ADCY8: variants seen among roughly 807,000 people sequenced by gnomAD.
The protein encoded by ADCY8 is adenylate cyclase 8, also known as adenylate cyclase type 8.
Under a neutral mutation model 119.7 loss-of-function variants are expected in ADCY8, and 51 were observed. The ratio of observed to expected loss-of-function variants is 0.43; its 90% CI spans 0.34 to 0.54. The LOEUF is 0.54. Ranked by LOEUF, ADCY8 falls within the 20% of genes least tolerant of loss-of-function variation. The pLI, the probability that ADCY8 is intolerant of heterozygous loss-of-function variation, is 0.03. For missense variants in ADCY8, 1,383 were observed against 1,598.8 expected (o/e 0.87, Z 2.30); for synonymous variants, 665 against 651.0 (o/e 1.02, Z -0.33).
intron 2 of ADCY8, among the ~76,000 whole-genome samples, chr8:130,987,617 G>T (rs1822442022): frequency 6.6e-6 from 1 of 151,948 alleles, no homozygotes; most frequent in Non-Finnish European, 1.5e-5. Context: ...TCTTATTTAG[G>T]ATCATTATCC....
chr8:130,832,838 A>C (rs1342219856), intron 12 of ADCY8, among the ~76,000 whole-genome samples: 1 of 152,250 alleles, frequency 6.6e-6, no homozygotes, highest in Non-Finnish European at 1.5e-5. Flanking sequence ...GCTATGTGCC[A>C]GGCAAATAAC....
At chr8:130,868,584 C>A (rs780722227) in intron 8 of ADCY8, among the ~76,000 whole-genome samples, 1 of 152,184 alleles carries the variant, frequency 6.6e-6, no homozygotes, top group Non-Finnish European at 1.5e-5. Context: ...TTAAAAGCTT[C>A]TAGAAGGTCA....
At chr8:130,890,215 T>A (rs11784183) in intron 7 of ADCY8, among the ~76,000 whole-genome samples, 1 of 138,858 alleles carries the variant, frequency 7.2e-6, no homozygotes, top group South Asian at 2.4e-4. Context: ...GTCAGGGGAG[T>A]GGGGAGGGAT....
chr8:130,987,679 G>A (rs944982366), intron 2 of ADCY8, among the ~76,000 whole-genome samples: 2 of 151,826 alleles, frequency 1.3e-5, no homozygotes, highest in African/African-American at 4.8e-5. Flanking sequence ...TCCTTCACAG[G>A]GTATAGAATT....
Position 130,951,980 on chromosome 8 carries a change from C to T in ADCY8, c.1129G>A (p.Val377Met), listed in dbSNP as rs755711328. ...NQRQERLVLS[V>M]LPRFVVLEMI... is the part of the protein sequence containing the mutation. Reference sequence around the variant, plus strand: ...TCCAGGACAACAAACCGGGGGAGCACAGAAAGCACGAGCCGCTCCTGGAAC... The same window carrying T: ...TCCAGGACAACAAACCGGGGGAGCATAGAAAGCACGAGCCGCTCCTGGAAC... Residue 377 changes from valine to methionine, a missense_variant, in exon 3 of 18, where the codon GTG becomes ATG. Around this residue, in one of 2 missense-constraint regions of ADCY8, gnomAD observed 928 missense variants for 1,163.5 expected, o/e 0.80. Transcript: ENST00000286355. 1 of 1,613,734 alleles carries T rather than the reference C, an allele frequency of 6.2e-7. No individual in the cohort carries two copies. Among genetic ancestry groups the T allele is most frequent in the East Asian group, 2.2e-5 (1 of 44,870 alleles).
At chr8:130,836,072 T>C (rs1369843852) in intron 12 of ADCY8, among the ~76,000 whole-genome samples, 1 of 152,214 alleles carries the variant, frequency 6.6e-6, no homozygotes. Context: ...CTTTGATTAA[T>C]TCATCTGTAA....
chr8:130,893,670 G>C (rs973192858), intron 7 of ADCY8, among the ~76,000 whole-genome samples: 1 of 147,556 alleles, frequency 6.8e-6, no homozygotes. Flanking sequence ...GTGTGTGTGT[G>C]TGTGTGTGTG....
At chr8:130,898,993 C>T (rs138568789) in intron 7 of ADCY8, among the ~76,000 whole-genome samples, 3 of 152,188 alleles carry the variant, frequency 2.0e-5, no homozygotes, top group Non-Finnish European at 2.9e-5. Context: ...GCTTGCAGGA[C>T]GGAGGTCCCA....
At chr8:130,939,091 A>G (rs1314655030) in intron 4 of ADCY8, among the ~76,000 whole-genome samples, 1 of 142,432 alleles carries the variant, frequency 7.0e-6, no homozygotes, top group Non-Finnish European at 1.5e-5. Flanking sequence ...GTTGTAGGGT[A>G]CATTTTTTTT....
rs149254869 is a variant in ADCY8, at chr8:130,992,794, T to C, written c.961-2252A>G. ...ATTGAAGGGCCTAACATACATATAA[T>C]TGGATTCTCAGAAGGAAAGGAAGGA... is the stretch of plus-strand genomic sequence containing the variant. On this transcript the variant is annotated intron_variant, in intron 1 of 17. Coordinates refer to ENST00000286355, the MANE Select transcript of ADCY8 (RefSeq NM_001115.3). Among the ~76,000 whole-genome samples the C allele has an allele frequency of 7.8e-4, 118 of 150,492 alleles. No homozygotes were observed. In the East Asian group the frequency reaches 0.021, roughly 27 times the overall value.
intron 12 of ADCY8, among the ~76,000 whole-genome samples, chr8:130,823,165 C>A (rs1240379093): frequency 6.6e-6 from 1 of 152,102 alleles, no homozygotes; most frequent in Admixed American, 6.5e-5. Flanking sequence ...AACACAAATA[C>A]CTCTTGAATT....
chr8:130,946,770 G>T (rs1322361480), intron 3 of ADCY8, among the ~76,000 whole-genome samples: 1 of 152,130 alleles, frequency 6.6e-6, no homozygotes, highest in African/African-American at 2.4e-5. Flanking sequence ...CTCAGAGCAT[G>T]GTCATGGCCC....
intron 7 of ADCY8, among the ~76,000 whole-genome samples, chr8:130,899,845 G>T (rs1819537366): frequency 1.3e-5 from 2 of 152,166 alleles, no homozygotes; most frequent in Admixed American, 1.3e-4. Flanking sequence ...TTTCAACTGA[G>T]AGATTCAATG....
chr8:131,019,797 TTCTCTCTCTCTCTC>T (rs61010907), intron 1 of ADCY8, among the ~76,000 whole-genome samples: 38 of 104,916 alleles, frequency 3.6e-4, no homozygotes, highest in South Asian at 7.6e-4. Flanking sequence ...ATGGAACAAA[TTCTCTCTCTCTCTC>T]TCTCTCTCTC....
At chr8:130,942,764 A>G (rs1006393098) in intron 4 of ADCY8, among the ~76,000 whole-genome samples, 1 of 152,224 alleles carries the variant, frequency 6.6e-6, no homozygotes, top group African/African-American at 2.4e-5. Context: ...TCGTAACTCA[A>G]GTGGCTTTAG....
At chr8:130,902,039 T>TCA (rs1247827580) in intron 7 of ADCY8, among the ~76,000 whole-genome samples, 4 of 152,210 alleles carry the variant, frequency 2.6e-5, no homozygotes, top group African/African-American at 9.7e-5. Context: ...TTCTTGGCTC[T>TCA]CAGTTATTAG....
intron 3 of ADCY8, among the ~76,000 whole-genome samples, chr8:130,945,143 G>A (rs1266758273): frequency 6.6e-6 from 1 of 152,170 alleles, no homozygotes; most frequent in Admixed American, 6.5e-5. Flanking sequence ...AGTAATTCAA[G>A]GGCAGCCAGT....
Position 130,937,212 on chromosome 8 carries a change from A to C in ADCY8, c.1354-12T>G, listed in dbSNP as rs1168903040. On this transcript the variant is annotated splice_polypyrimidine_tract_variant and intron_variant, in intron 4 of 17. Coordinates refer to ENST00000286355, the MANE Select transcript of ADCY8 (RefSeq NM_001115.3). ...AGGCAGTGATGCTCCTGGAAGGAAC[A>C]GGATAAGAGGGAAAGGTCTATGTCA... is the stretch of plus-strand genomic sequence containing the variant. 1.2e-6 allele frequency: 2 copies of C among 1,611,990 alleles called. No homozygotes were observed. Among genetic ancestry groups the C allele is most frequent in the South Asian group, 2.2e-5 (2 of 90,754 alleles).
chr8:130,934,225 T>G (rs774716020), intron 5 of ADCY8, among the ~76,000 whole-genome samples: 2 of 152,224 alleles, frequency 1.3e-5, no homozygotes, highest in Non-Finnish European at 2.9e-5. Flanking sequence ...TACCTGAGAC[T>G]GGGTAATTTA....
Sources: allele counts gnomAD v4.1 joint callset (sites outside exome capture counted in the v4.1 genomes callset), GRCh38; gene constraint gnomAD v4.1.1; regional missense constraint gnomAD v4.1.1; transcripts MANE v1.5; gene names NCBI Gene and HGNC (gene_info 2026-07-23, HGNC 2026-07-21).